The following SOX5 variants were observed in gnomAD, a reference collection of about 807,000 sequenced individuals.
SOX5 encodes SRY-box transcription factor 5, also known as transcription factor SOX-5.
In SOX5, 9 loss-of-function variants were observed where a neutral mutation model predicts 92.0. The observed-to-expected ratio is 0.10, with a 90% CI of 0.06 to 0.17. The LOEUF is 0.17. Among genes scored for constraint, SOX5 ranks in the 10% least tolerant of loss-of-function variants. SOX5 has a pLI of 1.00. For missense variants in SOX5, 642 were observed against 944.5 expected (o/e 0.68, Z 4.20); for synonymous variants, 344 against 336.3 (o/e 1.02, Z -0.25).
chr12:23,929,006 T>A lies in SOX5; in HGVS notation c.38+20558A>T, dbSNP rs1257936199. 7.5e-5 allele frequency among the ~76,000 whole-genome samples: 11 copies of A among 145,730 alleles called. No individual in the cohort carries two copies. In the East Asian group the frequency reaches 2.1e-3, roughly 28 times the overall value. ...TGAAAGAAAATTATAATAAATTAAGTGACTGCTCTGGTAGTGTTTTTTTAA... is the reference window on the plus strand; with the variant it reads ...TGAAAGAAAATTATAATAAATTAAGAGACTGCTCTGGTAGTGTTTTTTTAA... On this transcript the variant is annotated intron_variant, in intron 1 of 14. Coordinates refer to ENST00000451604, the MANE Select transcript of SOX5 (RefSeq NM_006940.6).
chr12:24,422,317 A>T (rs1966048158), intron 1 of SOX5, among the ~76,000 whole-genome samples: 1 of 152,178 alleles, frequency 6.6e-6, no homozygotes, highest in Non-Finnish European at 1.5e-5. Context: ...TCCCATCCCA[A>T]GGAAATTAGG....
chr12:24,040,981 G>T (rs1403150289), intron 4 of SOX5, among the ~76,000 whole-genome samples: 1 of 152,232 alleles, frequency 6.6e-6, no homozygotes, highest in South Asian at 2.1e-4. Context: ...CTTCGTGACT[G>T]GGGGGAAACA....
chr12:24,033,718 A>C (rs568999363), intron 4 of SOX5, among the ~76,000 whole-genome samples: 2 of 152,044 alleles, frequency 1.3e-5, no homozygotes, highest in Non-Finnish European at 2.9e-5. Context: ...AATGAATTCA[A>C]ATTTCCAGAA....
chr12:23,936,998 T>G (rs1399946761), intron 1 of SOX5, among the ~76,000 whole-genome samples: 1 of 150,872 alleles, frequency 6.6e-6, no homozygotes, highest in Non-Finnish European at 1.5e-5. Flanking sequence ...AGAGGGACTC[T>G]GAGAGCGTTT....
At chr12:23,977,814 G>A (rs778852401) in intron 4 of SOX5, among the ~76,000 whole-genome samples, 6 of 151,940 alleles carry the variant, frequency 3.9e-5, no homozygotes, top group Admixed American at 1.3e-4. Flanking sequence ...CCATAACCCC[G>A]TTTTCACCCC....
chr12:24,277,453 T>G (rs12829751), intron 2 of SOX5: 4 of 61,324 alleles, frequency 6.5e-5, no homozygotes, highest in African/African-American at 1.3e-4. Flanking sequence ...CCATTATATA[T>G]ATGTAAATTT....
chr12:24,514,519 A>G (rs1949601216), intron 1 of SOX5, among the ~76,000 whole-genome samples: 1 of 152,212 alleles, frequency 6.6e-6, no homozygotes, highest in Non-Finnish European at 1.5e-5. Flanking sequence ...AGGAAAGACT[A>G]TGTCAAATAT....
intron 4 of SOX5, among the ~76,000 whole-genome samples, chr12:24,140,706 C>T (rs1261577877): frequency 1.3e-5 from 2 of 152,094 alleles, no homozygotes; most frequent in Non-Finnish European, 2.9e-5. Context: ...TAGAATCTTT[C>T]TAACAACGTA....
intron 3 of SOX5, among the ~76,000 whole-genome samples, chr12:23,773,608 G>A (rs1435780211): frequency 6.6e-6 from 1 of 152,132 alleles, no homozygotes; most frequent in Non-Finnish European, 1.5e-5. Flanking sequence ...CTGGCCTCAA[G>A]TGATCCGCCC....
chr12:24,485,327 G>A (rs1946407740), intron 1 of SOX5, among the ~76,000 whole-genome samples: 1 of 152,132 alleles, frequency 6.6e-6, no homozygotes, highest in Non-Finnish European at 1.5e-5. Flanking sequence ...TTCTATCTTG[G>A]AAGCTATTAA....
In SOX5 at chr12:23,579,031, C is replaced by G. The variant is rs113727622; in HGVS notation, c.1165-3193G>C. The stretch of plus-strand genomic sequence containing the variant: ...GGAACAGGGAAGATATTTATGAGCA[C>G]AGAGGAAACACAGTGTGAGTGTATA... On this transcript the variant is annotated intron_variant, in intron 9 of 14. Transcript: ENST00000451604. 3.4e-4 allele frequency among the ~76,000 whole-genome samples: 51 copies of G among 152,206 alleles called. 1 individual carries two copies. Among genetic ancestry groups the G allele is most frequent in the African/African-American group, 1.2e-3 (48 of 41,538 alleles).
chr12:23,608,582 T>C (rs1012194702), intron 8 of SOX5, among the ~76,000 whole-genome samples: 4 of 152,216 alleles, frequency 2.6e-5, no homozygotes, highest in Non-Finnish European at 4.4e-5. Context: ...TTTCTACTTC[T>C]AGTGGAAAAC....
At chr12:23,764,933 G>T (rs1245022230) in intron 3 of SOX5, among the ~76,000 whole-genome samples, 1 of 152,008 alleles carries the variant, frequency 6.6e-6, no homozygotes, top group Non-Finnish European at 1.5e-5. Context: ...CAGCCTGCCA[G>T]ATGCCTGAAA....
At position 23,752,267 on chromosome 12, in the gene SOX5, C is replaced by T. The variant is rs571323580; in HGVS notation, c.568+3371G>A. ...AGATTCTGAGGGGAAATAAACCAGG[C>T]TCTAAAAAAACTCTTGAAATAAGGC... On this transcript the variant is annotated intron_variant, in intron 4 of 14. Coordinates refer to ENST00000451604, the MANE Select transcript of SOX5 (RefSeq NM_006940.6). Among the ~76,000 whole-genome samples, 17 of 151,766 alleles carry T rather than the reference C, an allele frequency of 1.1e-4. No homozygotes were observed. In the South Asian group the frequency reaches 3.5e-3, roughly 31 times the overall value.
At chr12:24,302,947 A>G (rs1948150111) in intron 2 of SOX5, among the ~76,000 whole-genome samples, 1 of 152,202 alleles carries the variant, frequency 6.6e-6, no homozygotes, top group Non-Finnish European at 1.5e-5. Flanking sequence ...AAAACCAAAA[A>G]AAAACCTGAT....
In SOX5 at chr12:24,317,450, G is replaced by A. The variant is rs200114267; in HGVS notation, c.-173-40138C>T. On this transcript the variant is annotated intron_variant, in intron 2 of 4. Transcript: ENST00000446891. Reference sequence around the variant, plus strand: ...CAACACTGCCAGGATATATAAACTTGAATATTAATCTTAAGACAGTCTTGG... The same window carrying A: ...CAACACTGCCAGGATATATAAACTTAAATATTAATCTTAAGACAGTCTTGG... 2.6e-5 allele frequency among the ~76,000 whole-genome samples: 4 copies of A among 152,164 alleles called. No individual in the cohort carries two copies. The East Asian group carries it at 7.7e-4, about 29-fold the overall frequency.
chr12:24,174,266 C>T (rs903427503), intron 4 of SOX5, among the ~76,000 whole-genome samples: 18 of 152,064 alleles, frequency 1.2e-4, no homozygotes, highest in South Asian at 4.2e-4. Context: ...CTCAAAGTGC[C>T]GGGATTACAG....
chr12:23,747,266 T>C (rs1271725175), intron 4 of SOX5, among the ~76,000 whole-genome samples: 9 of 152,152 alleles, frequency 5.9e-5, no homozygotes, highest in Admixed American at 5.9e-4. Context: ...TCCAGGCCAC[T>C]ATCATCTCTT....
chr12:23,756,314 T>C (rs980393564), intron 3 of SOX5, among the ~76,000 whole-genome samples: 2 of 151,860 alleles, frequency 1.3e-5, no homozygotes, highest in Non-Finnish European at 2.9e-5. Context: ...GAATGCTGCC[T>C]ATAATGGAAA....
Sources: allele counts gnomAD v4.1 joint callset (sites outside exome capture counted in the v4.1 genomes callset), GRCh38; gene constraint gnomAD v4.1.1; transcripts MANE v1.5; gene names NCBI Gene and HGNC (gene_info 2026-07-23, HGNC 2026-07-21).